The following TESMIN variants were observed in gnomAD, a reference collection of about 807,000 sequenced individuals.
TESMIN encodes the protein CXC domain containing 2.
In TESMIN, 34 loss-of-function variants were observed where a neutral mutation model predicts 47.4. That is an observed-to-expected ratio of 0.72 (90% CI 0.55 to 0.96). The LOEUF (loss-of-function observed/expected upper bound fraction) is 0.96. TESMIN is among the 40% of genes least tolerant of loss of function. TESMIN has a pLI of 0.00. For missense variants in TESMIN, 610 were observed against 637.2 expected, an observed-to-expected ratio of 0.96 and a Z score of 0.46; for synonymous variants, 278 against 258.9, an observed-to-expected ratio of 1.07 and a Z score of -0.71.
At chr11:68,733,251 T>C (rs1946349835) in intron 6 of TESMIN, among the ~76,000 whole-genome samples, 1 of 152,212 alleles carries the variant, frequency 6.6e-6, no homozygotes, top group Non-Finnish European at 1.5e-5. Flanking sequence ...GAGAACTTTC[T>C]GAGAAAATTT....
intron 6 of TESMIN, 49 bp from the exon 7 acceptor site, chr11:68,715,988 G>T: frequency 8.0e-7 from 1 of 1,256,354 alleles, no homozygotes; most frequent in Non-Finnish European, 1.2e-6. Flanking sequence ...GGCACAGTGA[G>T]TAGTGAAAAG....
chr11:68,750,405 C>T lies in TESMIN; in HGVS notation c.256G>A (p.Gly86Ser), dbSNP rs1156665424. ...AGGAGCTCCCCGCCGTCGCTGTCGC[C>T]CCCCGCGAGCTTCGCCTTGACCTGG... ...KGQVKAKLAG[G>S]DSDGGELLGE... The change falls in exon 2 of 10, where the codon GGC becomes AGC. Residue 86 changes from glycine to serine, a missense_variant. Transcript: ENST00000255087. 1.3e-6 allele frequency: 2 copies of T among 1,522,664 alleles called. No individual in the cohort carries two copies. Among genetic ancestry groups the T allele is most frequent in the African/African-American group, 2.8e-5 (2 of 71,448 alleles). 94.3% of individuals were successfully genotyped at this position (1,522,664 alleles called of 1,614,324 possible).
At chr11:68,714,409 A>C (rs1004030311) in intron 7 of TESMIN, among the ~76,000 whole-genome samples, 2 of 152,214 alleles carry the variant, frequency 1.3e-5, no homozygotes, top group Non-Finnish European at 2.9e-5. Context: ...TACCAAGGTC[A>C]AGTTAGAGGA....
At position 68,740,700 on chromosome 11, in the gene TESMIN, G is replaced by A. The variant is rs571827854; in HGVS notation, c.828+1618C>T. Among the ~76,000 whole-genome samples, 6 of 152,276 alleles carry A rather than the reference G, an allele frequency of 3.9e-5. No homozygotes were observed. In the East Asian group the frequency reaches 9.6e-4, roughly 24 times the overall value. ...TCTTGGCCAATGTATCACTTGAGAA[G>A]TATTTACTCACTCATTCAACAAATA... is the stretch of plus-strand genomic sequence containing the variant. On this transcript the variant is annotated intron_variant, in intron 5 of 9. Transcript: ENST00000255087.
intron 6 of TESMIN, among the ~76,000 whole-genome samples, chr11:68,722,642 A>G (rs1012286840): frequency 2.6e-5 from 4 of 152,228 alleles, no homozygotes; most frequent in African/African-American, 9.6e-5. Flanking sequence ...TGAAAAATTC[A>G]GCTATATTTA....
intron 5 of TESMIN, among the ~76,000 whole-genome samples, chr11:68,741,789 C>A (rs1350171508): frequency 6.6e-6 from 1 of 152,158 alleles, no homozygotes; most frequent in Non-Finnish European, 1.5e-5. Flanking sequence ...GAGTGCCATG[C>A]AGAGCAGGAG....
At chr11:68,706,418 G>A (rs11228328), downstream of TESMIN, among the ~76,000 whole-genome samples, 832 of 152,368 alleles carry the variant, frequency 5.5e-3, 56 homozygotes, top group East Asian at 0.13. Context: ...TGGGGGGCCT[G>A]TATCCCCAGC....
At chr11:68,744,483 G>A (rs1946494797) in intron 4 of TESMIN, among the ~76,000 whole-genome samples, 1 of 152,152 alleles carries the variant, frequency 6.6e-6, no homozygotes, top group Admixed American at 6.5e-5. Context: ...TTCTTAGTCA[G>A]GTAAGAATGA....
intron 4 of TESMIN, among the ~76,000 whole-genome samples, chr11:68,742,805 C>T (rs1163094515): frequency 6.6e-6 from 1 of 152,196 alleles, no homozygotes; most frequent in African/African-American, 2.4e-5. Flanking sequence ...AATCCTCCTG[C>T]CTCAGCCTCC....
intron 6 of TESMIN, among the ~76,000 whole-genome samples, chr11:68,730,938 T>C (rs904277459): frequency 1.2e-4 from 18 of 152,366 alleles, no homozygotes; most frequent in Admixed American, 3.9e-4. Context: ...CAACTTTTTA[T>C]GGCTACTGAA....
chr11:68,721,364 A>G lies in TESMIN; in HGVS notation c.918-5425T>C, dbSNP rs527944874. On this transcript the variant is annotated intron_variant, in intron 6 of 9. Coordinates refer to ENST00000255087, the MANE Select transcript of TESMIN (RefSeq NM_004923.3). Reference sequence around the variant, plus strand: ...ACCTTCAATCTACTTCCACCCAATGAACTCCCCCTAATCCAAACACACCTC... The same window carrying G: ...ACCTTCAATCTACTTCCACCCAATGGACTCCCCCTAATCCAAACACACCTC... Among the ~76,000 whole-genome samples the G allele has an allele frequency of 5.7e-4, 86 of 151,994 alleles. 2 individuals carry two copies. The South Asian group carries it at 0.017, about 29-fold the overall frequency.
chr11:68,715,335 C>A (rs1946124078), intron 7 of TESMIN, among the ~76,000 whole-genome samples: 1 of 152,188 alleles, frequency 6.6e-6, no homozygotes, highest in African/African-American at 2.4e-5. Flanking sequence ...ATCAAAGTAA[C>A]CTTTTGCGTC....
At chr11:68,736,207 C>T in intron 6 of TESMIN, 1 of 985,366 alleles carries the variant, frequency 1.0e-6, no homozygotes. Context: ...TCAGAATTCA[C>T]ATTTATTACC....
chr11:68,728,280 T>C (rs1241470662), intron 6 of TESMIN, among the ~76,000 whole-genome samples: 1 of 152,232 alleles, frequency 6.6e-6, no homozygotes, highest in Non-Finnish European at 1.5e-5. Context: ...AAAACACTGC[T>C]GACATGAAGC....
intron 8 of TESMIN, among the ~76,000 whole-genome samples, 182 bp downstream of exon 8, chr11:68,713,088 C>T (rs903158327): frequency 4.6e-5 from 7 of 152,144 alleles, no homozygotes; most frequent in African/African-American, 1.7e-4. Context: ...ACCCGGTTCA[C>T]AAAGCTCAGC....
chr11:68,716,515 G>A (rs1352099304), intron 6 of TESMIN, among the ~76,000 whole-genome samples: 6 of 152,234 alleles, frequency 3.9e-5, no homozygotes, highest in Non-Finnish European at 2.9e-5. Flanking sequence ...GTTGTAATGC[G>A]AGGGTTGTTC....
intron 3 of TESMIN, 58 bp downstream of exon 3, chr11:68,747,150 G>T: frequency 6.5e-7 from 1 of 1,540,882 alleles, no homozygotes; most frequent in Non-Finnish European, 9.0e-7. Context: ...ACTTAGTAAT[G>T]ATGGGGTCCA....
chr11:68,727,335 G>T (rs1946276953), intron 6 of TESMIN, among the ~76,000 whole-genome samples: 1 of 152,156 alleles, frequency 6.6e-6, no homozygotes. Context: ...AGCTACTCAG[G>T]GGGCTGAGGC....
chr11:68,740,845 C>T (rs1460733542), intron 5 of TESMIN, among the ~76,000 whole-genome samples: 12 of 152,166 alleles, frequency 7.9e-5, no homozygotes, highest in Non-Finnish European at 8.8e-5. Flanking sequence ...TCACTCTAAA[C>T]TCCTACGCAA....
Sources: allele counts gnomAD v4.1 joint callset (sites outside exome capture counted in the v4.1 genomes callset), GRCh38; gene constraint gnomAD v4.1.1; transcripts MANE v1.5; gene names NCBI Gene and HGNC (gene_info 2026-07-23, HGNC 2026-07-21).